FAM120A: variants seen among roughly 807,000 people sequenced by gnomAD.
FAM120A encodes constitutive coactivator of PPAR-gamma-like protein 1.
FAM120A carries 15 observed loss-of-function variants against 109.7 expected under a neutral mutation model. The observed-to-expected ratio is 0.14, with a 90% CI of 0.09 to 0.21. The LOEUF (loss-of-function observed/expected upper bound fraction) is 0.21, where lower values mean the gene tolerates loss of function less well. Among genes scored for constraint, FAM120A ranks in the 10% least tolerant of loss-of-function variants. The pLI is 1.00. For missense variants in FAM120A, 899 were observed against 1,439.3 expected (o/e 0.62, Z 6.07); for synonymous variants, 493 against 572.8 (o/e 0.86, Z 1.99).
intron 10 of FAM120A, among the ~76,000 whole-genome samples, chr9:93,533,515 A>G (rs1003440509): frequency 6.6e-6 from 1 of 152,216 alleles, no homozygotes; most frequent in Non-Finnish European, 1.5e-5. Flanking sequence ...ATGTGGAACA[A>G]TGAACATTGT....
chr9:93,548,083 A>G (rs1861955418), intron 11 of FAM120A, among the ~76,000 whole-genome samples: 1 of 152,046 alleles, frequency 6.6e-6, no homozygotes, highest in Non-Finnish European at 1.5e-5. Context: ...GTGTATCTGC[A>G]ATACAGTCTT....
chr9:93,459,612 T>C (rs1857701098), intron 1 of FAM120A, among the ~76,000 whole-genome samples: 1 of 152,216 alleles, frequency 6.6e-6, no homozygotes. Context: ...TTTTTCTTGT[T>C]TGGAACTTTC....
Position 93,561,234 on chromosome 9 carries a change from G to A in FAM120A, c.2932G>A (p.Gly978Arg), listed in dbSNP as rs375630637. 13 of 1,612,516 alleles carry A rather than the reference G, an allele frequency of 8.1e-6. No individual in the cohort carries two copies. The highest frequency in any genetic ancestry group is 1.7e-4 in the Middle Eastern group (1 of 5,974). The change falls in exon 16 of 18, where the codon GGA becomes AGA. Residue 978 changes from glycine to arginine, a missense_variant. Around this residue, in one of 11 missense-constraint regions of FAM120A, gnomAD observed 170 missense variants for 205.0 expected, o/e 0.83. Transcript: ENST00000277165. ...TTTCCCCCTGCAGGTGGTTTCTGTCGGAGGACCAGCTAGAGGGTAAGTTCT... is the reference window on the plus strand; with the variant it reads ...TTTCCCCCTGCAGGTGGTTTCTGTCAGAGGACCAGCTAGAGGGTAAGTTCT... ...GPFPLQVVSV[G>R]GPARGRPRGV... is the part of the protein sequence containing the mutation.
chr9:93,520,725 A>T (rs1002947117), intron 7 of FAM120A, among the ~76,000 whole-genome samples: 1 of 152,130 alleles, frequency 6.6e-6, no homozygotes, highest in East Asian at 1.9e-4. Context: ...GTGTGCCCCC[A>T]TGCTGTCATC....
At chr9:93,509,249 A>G (rs1338591362) in intron 5 of FAM120A, among the ~76,000 whole-genome samples, 1 of 152,224 alleles carries the variant, frequency 6.6e-6, no homozygotes, top group Non-Finnish European at 1.5e-5. Context: ...ACCTGGACCC[A>G]CCCAGTGGCC....
intron 3 of FAM120A, among the ~76,000 whole-genome samples, chr9:93,484,038 CTTT>C (rs202025202): frequency 1.4e-5 from 2 of 144,406 alleles, no homozygotes; most frequent in African/African-American, 2.5e-5. Context: ...CTGTGTCTCT[CTTT>C]TTTTTTTTTT....
intron 3 of FAM120A, among the ~76,000 whole-genome samples, chr9:93,479,090 ATTTTTTTTT>A (rs11296612): frequency 2.4e-5 from 2 of 81,636 alleles, no homozygotes; most frequent in Non-Finnish European, 4.5e-5. Context: ...AGGGTATTGC[ATTTTTTTTT>A]TTTTTTTTTT....
chr9:93,511,624 A>T (rs1337329142), intron 5 of FAM120A, among the ~76,000 whole-genome samples: 1 of 152,204 alleles, frequency 6.6e-6, no homozygotes, highest in African/African-American at 2.4e-5. Flanking sequence ...TTTAGTAAAC[A>T]TGTCTGTTTG....
chr9:93,559,278 A>G (rs1015294704), intron 15 of FAM120A, among the ~76,000 whole-genome samples: 3 of 152,210 alleles, frequency 2.0e-5, no homozygotes, highest in Non-Finnish European at 4.4e-5. Context: ...ATAGGAAGCA[A>G]TGTCTTGTGA....
intron 5 of FAM120A, among the ~76,000 whole-genome samples, chr9:93,506,126 C>G (rs1363939223): frequency 6.6e-6 from 1 of 152,136 alleles, no homozygotes; most frequent in African/African-American, 2.4e-5. Flanking sequence ...GGAAATCTGC[C>G]CATGTAATAT....
At chr9:93,490,600 AT>A (rs1859270371) in intron 3 of FAM120A, among the ~76,000 whole-genome samples, 1 of 152,248 alleles carries the variant, frequency 6.6e-6, no homozygotes, top group Non-Finnish European at 1.5e-5. Flanking sequence ...ATAGAAAAAA[AT>A]GTTTGATTTT....
intron 10 of FAM120A, among the ~76,000 whole-genome samples, chr9:93,538,287 G>A (rs940650530): frequency 3.9e-5 from 6 of 152,116 alleles, no homozygotes; most frequent in African/African-American, 1.4e-4. Flanking sequence ...ATTACAGAGG[G>A]TGCTTACAGA....
At chr9:93,455,636 C>T (rs1393537741) in intron 1 of FAM120A, among the ~76,000 whole-genome samples, 1 of 151,866 alleles carries the variant, frequency 6.6e-6, no homozygotes, top group Non-Finnish European at 1.5e-5. Flanking sequence ...GGCAGAGGGG[C>T]ATAATTTCCT....
At chr9:93,508,631 T>C (rs1291723290) in intron 5 of FAM120A, among the ~76,000 whole-genome samples, 1 of 152,208 alleles carries the variant, frequency 6.6e-6, no homozygotes, top group Non-Finnish European at 1.5e-5. Context: ...GGGTTGGTCC[T>C]GGGGCTGGTG....
intron 7 of FAM120A, among the ~76,000 whole-genome samples, chr9:93,524,355 A>C (rs905185438): frequency 5.9e-5 from 9 of 152,238 alleles, no homozygotes; most frequent in African/African-American, 2.2e-4. Context: ...TACTTGGTGT[A>C]AATGAACACC....
intron 5 of FAM120A, among the ~76,000 whole-genome samples, chr9:93,511,151 C>A (rs1397545276): frequency 6.6e-6 from 1 of 152,066 alleles, no homozygotes; most frequent in African/African-American, 2.4e-5. Flanking sequence ...CGAATTCTTT[C>A]ACGTGCCACG....
chr9:93,546,774 A>G (rs899377678), intron 11 of FAM120A, among the ~76,000 whole-genome samples: 2 of 152,220 alleles, frequency 1.3e-5, no homozygotes, highest in African/African-American at 4.8e-5. Flanking sequence ...TCTCTTTACA[A>G]ACACAGGTAG....
intron 1 of FAM120A, among the ~76,000 whole-genome samples, chr9:93,455,317 C>A (rs1384160616): frequency 1.3e-5 from 2 of 152,034 alleles, no homozygotes. Context: ...GTGATAGGGA[C>A]CAATTCAGTG....
At position 93,556,564 on chromosome 9, in the gene FAM120A, C is replaced by T; in HGVS notation, c.2457C>T (p.Thr819=). Residue 819 remains threonine, a synonymous_variant, in exon 13 of 18, where the codon ACC becomes ACT. Transcript: ENST00000277165. ...SKLLKASREK[T]PLIDLCDGQA... is the part of the protein sequence containing the mutation. Reference sequence around the variant, plus strand: ...TCCTCAAAGCCAGCCGGGAAAAGACCCCACTCATTGACCTCTGTGATGGTC... The same window carrying T: ...TCCTCAAAGCCAGCCGGGAAAAGACTCCACTCATTGACCTCTGTGATGGTC... The T allele has an allele frequency of 6.2e-7, 1 of 1,614,174 alleles. No individual in the cohort carries two copies. The highest frequency in any genetic ancestry group is 8.5e-7 in the Non-Finnish European group (1 of 1,180,010).
Sources: gnomAD v4.1 joint callset for allele counts (sites outside exome capture counted in the v4.1 genomes callset) on GRCh38, gnomAD v4.1.1 for gene constraint, gnomAD v4.1.1 regional missense constraint, MANE v1.5 for transcripts, NCBI Gene and HGNC (gene_info 2026-07-23, HGNC 2026-07-21) for gene names.